Variants in TUSC3 observed in about 807,000 individuals in gnomAD.
The protein encoded by TUSC3 is dolichyl-diphosphooligosaccharide--protein glycosyltransferase subunit TUSC3.
A neutral mutation model predicts 44.8 loss-of-function variants in TUSC3; 45 were observed. The observed-to-expected ratio is 1.00, with a 90% CI of 0.79 to 1.29. The LOEUF is 1.29. Ranked by LOEUF, TUSC3 falls within the 50% of genes most tolerant of loss-of-function variation. The pLI, the probability that TUSC3 is intolerant of heterozygous loss-of-function variation, is 0.00. For missense variants in TUSC3, 519 were observed against 437.9 expected (o/e 1.19, Z -1.65); for synonymous variants, 212 against 152.9 (o/e 1.39, Z -2.85).
intron 2 of TUSC3, among the ~76,000 whole-genome samples, chr8:15,642,723 T>G (rs1470426206): frequency 6.6e-6 from 1 of 152,202 alleles, no homozygotes; most frequent in Non-Finnish European, 1.5e-5. Context: ...AGATATTTTT[T>G]GAGTATCATG....
chr8:15,642,757 A>G (rs1308116885), intron 2 of TUSC3, among the ~76,000 whole-genome samples: 1 of 152,178 alleles, frequency 6.6e-6, no homozygotes, highest in Non-Finnish European at 1.5e-5. Context: ...ATGTTATCAT[A>G]AACAAGGTTT....
At chr8:15,700,995 A>G (rs947238281) in intron 6 of TUSC3, among the ~76,000 whole-genome samples, 1 of 151,648 alleles carries the variant, frequency 6.6e-6, no homozygotes, top group African/African-American at 2.4e-5. Flanking sequence ...TCTACCTTTC[A>G]GAATCTTCTT....
At chr8:15,435,298 A>AT (rs1173015531) in intron 1 of TUSC3, among the ~76,000 whole-genome samples, 1 of 152,008 alleles carries the variant, frequency 6.6e-6, no homozygotes, top group African/African-American at 2.4e-5. Context: ...GATGATGAGC[A>AT]TTTTTTCATG....
At chr8:15,581,848 A>C (rs546383688) in intron 1 of TUSC3, among the ~76,000 whole-genome samples, 1 of 107,126 alleles carries the variant, frequency 9.3e-6, no homozygotes, top group African/African-American at 4.6e-5. Context: ...GGCTCCACCC[A>C]GTTGGAGCTT....
intron 6 of TUSC3, among the ~76,000 whole-genome samples, chr8:15,675,077 C>A (rs1287594924): frequency 6.6e-6 from 1 of 151,880 alleles, no homozygotes; most frequent in East Asian, 1.9e-4. Context: ...CATAATTTAT[C>A]GAATGTGTTA....
rs1812305690 is a variant in TUSC3, at chr8:15,765,624, G to A, written c.*1468G>A. Reference sequence around the variant, plus strand: ...ATCTTTTCAAAACATAATATTCAGTGAAAATTACGTAATAATTGTAAGTTT... The same window carrying A: ...ATCTTTTCAAAACATAATATTCAGTAAAAATTACGTAATAATTGTAAGTTT... On this transcript the variant is annotated 3_prime_UTR_variant, in exon 11 of 11. Transcript: ENST00000503731. 1 of 151,930 alleles carries A rather than the reference G, an allele frequency of 6.6e-6. No individual in the cohort carries two copies. The highest frequency in any genetic ancestry group is 1.5e-5 in the Non-Finnish European group (1 of 67,946). The allele number at this position is 151,930 out of a possible 1,614,324, so 9.4% of individuals were successfully genotyped here. A position where few individuals can be genotyped will look rare whatever the true frequency, so the allele number is the denominator to read the frequency against.
chr8:15,419,428 C>T (rs920860530), intron 1 of TUSC3, among the ~76,000 whole-genome samples: 2 of 152,238 alleles, frequency 1.3e-5, no homozygotes, highest in Middle Eastern at 3.4e-3. Flanking sequence ...TTAGTCTTTG[C>T]TTCTTTGAGG....
At chr8:15,457,673 C>T (rs907500111) in intron 1 of TUSC3, among the ~76,000 whole-genome samples, 2 of 149,460 alleles carry the variant, frequency 1.3e-5, no homozygotes. Flanking sequence ...AATATATAAA[C>T]AGCATTGCAT....
At chr8:15,748,224 A>AC (rs1279891292) in intron 8 of TUSC3, 151 bp from the exon 9 acceptor site, 1 of 670,498 alleles carries the variant, frequency 1.5e-6, no homozygotes, top group Non-Finnish European at 2.7e-6. Flanking sequence ...CACATTGGAT[A>AC]CCTGTATCCA....
At chr8:15,512,416 C>G (rs1585071390) in intron 2 of TUSC3, among the ~76,000 whole-genome samples, 1 of 152,302 alleles carries the variant, frequency 6.6e-6, no homozygotes, top group African/African-American at 2.4e-5. Context: ...GTCTGCTAGT[C>G]TACTCCATCA....
In TUSC3 at chr8:15,759,496, A is replaced by AAAAC. The variant is rs1024956967; in HGVS notation, c.*46+1647_*46+1650dup. ...TTAATTCAAGATAAATAAAAAAAACAAAACAAACAGCAAGCCATTATTTGC... is the reference window on the plus strand; with the variant it reads ...TTAATTCAAGATAAATAAAAAAAACAAAACAAACAAACAGCAAGCCATTATTTGC... On this transcript the variant is annotated intron_variant, in intron 10 of 10. Transcript: ENST00000503731. 4.7e-4 allele frequency among the ~76,000 whole-genome samples: 71 copies of AAAAC among 152,110 alleles called. 1 individual carries two copies. Among genetic ancestry groups the AAAAC allele is most frequent in the African/African-American group, 1.6e-3 (66 of 41,454 alleles).
chr8:15,748,381 G>A lies in TUSC3; in HGVS notation c.944G>A (p.Cys315Tyr). Residue 315 changes from cysteine to tyrosine, a missense_variant, in exon 9 of 11, where the codon TGC becomes TAC. Coordinates refer to ENST00000503731, the MANE Select transcript of TUSC3 (RefSeq NM_006765.4). ...KGDVGKRRII[C>Y]LVGLGLVVFF... ...ATTTTCTGTCTGTTTCTAGTAATTT[G>A]CCTAGTGGGATTGGGCCTGGTGGTC... is the stretch of plus-strand genomic sequence containing the variant. 6.2e-7 allele frequency: 1 copy of A among 1,612,812 alleles called. No homozygotes were observed. The highest frequency in any genetic ancestry group is 8.5e-7 in the Non-Finnish European group (1 of 1,179,002).
At chr8:15,836,481 A>G in the TUSC3 span, among the ~76,000 whole-genome samples, 1 of 151,854 alleles carries the variant, frequency 6.6e-6, no homozygotes, top group South Asian at 2.1e-4. Flanking sequence ...CATCTCAAAA[A>G]AAAAAAAAAA....
intron 9 of TUSC3, among the ~76,000 whole-genome samples, chr8:15,754,067 TG>T (rs1322591361): frequency 2.6e-5 from 4 of 152,190 alleles, no homozygotes; most frequent in African/African-American, 9.6e-5. Context: ...CATTTACCTG[TG>T]GCACCAGCAT....
At chr8:15,530,007 G>A (rs1011175560) in intron 2 of TUSC3, among the ~76,000 whole-genome samples, 5 of 137,522 alleles carry the variant, frequency 3.6e-5, no homozygotes, top group African/African-American at 5.6e-5. Flanking sequence ...GGATGGTCTC[G>A]ATCTCCTGAC....
intron 1 of TUSC3, among the ~76,000 whole-genome samples, chr8:15,570,351 T>C (rs1295582684): frequency 6.6e-6 from 1 of 151,990 alleles, no homozygotes; most frequent in Non-Finnish European, 1.5e-5. Context: ...TTTCTAATGT[T>C]GCTTGCTGGA....
At chr8:15,453,741 T>G (rs1223035222) in intron 1 of TUSC3, among the ~76,000 whole-genome samples, 1 of 152,176 alleles carries the variant, frequency 6.6e-6, no homozygotes, top group Non-Finnish European at 1.5e-5. Flanking sequence ...GGGCAGGTAG[T>G]CAGACAGAGC....
chr8:15,830,860 A>G, the TUSC3 span, among the ~76,000 whole-genome samples: 6 of 152,176 alleles, frequency 3.9e-5, no homozygotes, highest in Admixed American at 3.9e-4. Context: ...CCATTAGGCA[A>G]TATAGCCATA....
chr8:15,595,827 G>C (rs1184012871), intron 1 of TUSC3, among the ~76,000 whole-genome samples: 3 of 152,120 alleles, frequency 2.0e-5, no homozygotes, highest in Non-Finnish European at 4.4e-5. Context: ...ATAGACTTAA[G>C]ATAATTTTTT....
Sources: allele counts gnomAD v4.1 joint callset (sites outside exome capture counted in the v4.1 genomes callset), GRCh38; gene constraint gnomAD v4.1.1; transcripts MANE v1.5; gene names NCBI Gene and HGNC (gene_info 2026-07-23, HGNC 2026-07-21).